Variants in TDP1 observed in about 807,000 individuals in gnomAD.
TDP1 encodes tyrosyl-DNA phosphodiesterase 1.
In TDP1, 64 loss-of-function variants were observed where a neutral mutation model predicts 81.5. That is an observed-to-expected ratio of 0.79 (90% CI 0.64 to 0.97). The LOEUF (loss-of-function observed/expected upper bound fraction) is 0.97, where lower values mean the gene tolerates loss of function less well. Among genes scored for constraint, TDP1 ranks in the 50% least tolerant of loss-of-function variants. The pLI, the probability that TDP1 is intolerant of heterozygous loss-of-function variation, is 0.00. For synonymous variants in TDP1, 256 were observed against 264.3 expected (o/e 0.97, Z 0.30); for missense variants, 723 against 743.8 (o/e 0.97, Z 0.33).
At chr14:90,040,614 C>T (rs1299277927) in intron 16 of TDP1, among the ~76,000 whole-genome samples, 1 of 152,238 alleles carries the variant, frequency 6.6e-6, no homozygotes, top group Admixed American at 6.5e-5. Context: ...TAGCAAATCT[C>T]TGGCACCTAG....
At position 90,003,349 on chromosome 14, in the gene TDP1, T is replaced by C. The variant is rs139606318; in HGVS notation, c.1541+9866T>C. Among the ~76,000 whole-genome samples, 50 of 152,356 alleles carry C rather than the reference T, an allele frequency of 3.3e-4. 1 individual carries two copies. In the East Asian group the frequency reaches 6.7e-3, roughly 21 times the overall value. On this transcript the variant is annotated intron_variant, in intron 14 of 16. Transcript: ENST00000335725. The stretch of plus-strand genomic sequence containing the variant: ...AAAATTAACAGTTCACTTGAACTTA[T>C]TAGGATGTTATATTAGCTGGCGATT...
At chr14:89,978,872 C>A (rs773811393) in intron 7 of TDP1, among the ~76,000 whole-genome samples, 1 of 152,232 alleles carries the variant, frequency 6.6e-6, no homozygotes. Flanking sequence ...ATTTCTCCAG[C>A]TTTGCATTAA....
intron 10 of TDP1, chr14:89,986,948 G>C (rs1895637410): frequency 6.6e-6 from 1 of 152,234 alleles, no homozygotes; most frequent in Non-Finnish European, 1.5e-5. Context: ...TATTTAAGTG[G>C]ATACAGTTTC....
At chr14:90,032,867 T>C in intron 15 of TDP1, 2 of 984,820 alleles carry the variant, frequency 2.0e-6, no homozygotes, top group Non-Finnish European at 2.4e-6. Flanking sequence ...TTGAAAACTT[T>C]TGCAAACTTT....
At chr14:90,015,250 C>T (rs982389756) in intron 14 of TDP1, among the ~76,000 whole-genome samples, 4 of 152,208 alleles carry the variant, frequency 2.6e-5, no homozygotes, top group Admixed American at 2.0e-4. Flanking sequence ...CAGCATGTGC[C>T]TGCCTGCCTT....
At position 90,044,740 on chromosome 14, in the gene TDP1, T is replaced by A. The variant is rs1313937511; in HGVS notation, c.*1597T>A. 1 of 152,248 alleles carries A rather than the reference T, an allele frequency of 6.6e-6. No homozygotes were observed. Among genetic ancestry groups the A allele is most frequent in the East Asian group, 1.9e-4 (1 of 5,198 alleles). 9.4% of individuals were successfully genotyped at this position (152,248 alleles called of 1,614,324 possible). A position where few individuals can be genotyped will look rare whatever the true frequency, so the allele number is the denominator to read the frequency against. ...GTATTTTTGTGTGTTCTGCTTTTTTTAAATAAACTTGAAAAGCTACTGAAC... is the reference window on the plus strand; with the variant it reads ...GTATTTTTGTGTGTTCTGCTTTTTTAAAATAAACTTGAAAAGCTACTGAAC... On this transcript the variant is annotated 3_prime_UTR_variant, in exon 17 of 17. Coordinates refer to ENST00000335725, the MANE Select transcript of TDP1 (RefSeq NM_018319.4).
intron 14 of TDP1, among the ~76,000 whole-genome samples, chr14:90,002,243 C>A (rs1203087071): frequency 1.3e-5 from 2 of 152,070 alleles, no homozygotes; most frequent in African/African-American, 4.8e-5. Context: ...GTGACATTAC[C>A]CAATCATCCA....
rs957016328 is a variant in TDP1 at position 89,989,070 on chromosome 14, A to G, written c.1297A>G (p.Ser433Gly). The change falls in exon 11 of 17, where the codon AGC becomes GGC. Residue 433 changes from serine (S) to glycine (G), a missense_variant. Coordinates refer to ENST00000335725, the MANE Select transcript of TDP1 (RefSeq NM_018319.4). ...LGKESKTPGK[S>G]SVPLYLIYPS... ...GAAGGAAAGCAAGACTCCAGGAAAA[A>G]GCTCTGTTCCTCTTTACTTGGTGAG... 5 of 1,613,886 alleles carry G rather than the reference A, an allele frequency of 3.1e-6. No homozygotes were observed. In the African/African-American group the frequency reaches 4.0e-5, roughly 13 times the overall value.
chr14:89,971,122 C>T (rs1893586684), intron 5 of TDP1, 53 bp from the exon 6 acceptor site: 1 of 1,495,328 alleles, frequency 6.7e-7, no homozygotes, highest in African/African-American at 1.4e-5. Context: ...AGGTGTGAGC[C>T]ACTGAGCCTG....
At chr14:89,962,840 A>G in intron 2 of TDP1, 1 of 862,198 alleles carries the variant, frequency 1.2e-6, no homozygotes, top group Non-Finnish European at 1.4e-6. Flanking sequence ...CCACTGCACC[A>G]CTCCAGCTGG....
chr14:89,977,330 C>A (rs970242702), intron 7 of TDP1, among the ~76,000 whole-genome samples: 2 of 152,110 alleles, frequency 1.3e-5, no homozygotes, highest in Non-Finnish European at 2.9e-5. Flanking sequence ...GACAGTCTCG[C>A]TCTGTTGCCC....
At chr14:89,994,049 G>A (rs551949622) in intron 14 of TDP1, among the ~76,000 whole-genome samples, 1 of 152,214 alleles carries the variant, frequency 6.6e-6, no homozygotes, top group Non-Finnish European at 1.5e-5. Context: ...GCATTTTTGT[G>A]TCTATTTTTA....
chr14:90,023,040 G>A (rs1179346917), intron 15 of TDP1: 8 of 763,346 alleles, frequency 1.0e-5, no homozygotes, highest in South Asian at 2.7e-5. Context: ...AGGCCCCTGC[G>A]AAGAGAATAA....
intron 16 of TDP1, among the ~76,000 whole-genome samples, chr14:90,035,083 C>A (rs1887689122): frequency 6.6e-6 from 1 of 152,014 alleles, no homozygotes; most frequent in African/African-American, 2.4e-5. Flanking sequence ...GTCCCGCTAA[C>A]CATTCTCAGC....
intron 15 of TDP1, among the ~76,000 whole-genome samples, chr14:90,030,068 A>G (rs1405523796): frequency 1.3e-5 from 2 of 152,268 alleles, no homozygotes; most frequent in Non-Finnish European, 2.9e-5. Flanking sequence ...TAACTTGCTT[A>G]GAGCCACACA....
intron 4 of TDP1, among the ~76,000 whole-genome samples, chr14:89,966,533 G>C (rs1314596970): frequency 6.6e-6 from 1 of 152,174 alleles, no homozygotes; most frequent in Non-Finnish European, 1.5e-5. Context: ...AGAGTGGTGA[G>C]GTATGGATAG....
intron 14 of TDP1, among the ~76,000 whole-genome samples, chr14:90,008,148 G>A (rs987732140): frequency 6.6e-6 from 1 of 152,138 alleles, no homozygotes; most frequent in African/African-American, 2.4e-5. Flanking sequence ...CAACAGTTCG[G>A]TAAAATTATT....
intron 14 of TDP1, among the ~76,000 whole-genome samples, chr14:90,008,896 A>G (rs1033745852): frequency 5.3e-5 from 8 of 152,092 alleles, no homozygotes; most frequent in African/African-American, 1.9e-4. Flanking sequence ...TTATTTTGAT[A>G]TGGGATCTTG....
intron 15 of TDP1, among the ~76,000 whole-genome samples, chr14:90,026,728 C>CGATA (rs1194755339): frequency 6.7e-6 from 1 of 149,150 alleles, no homozygotes; most frequent in Non-Finnish European, 1.5e-5. Context: ...TCTGTCCTTG[C>CGATA]GATAGTTTGC....
Sources: allele counts gnomAD v4.1 joint callset (sites outside exome capture counted in the v4.1 genomes callset), GRCh38; gene constraint gnomAD v4.1.1; transcripts MANE v1.5; gene names NCBI Gene and HGNC (gene_info 2026-07-23, HGNC 2026-07-21).